Variants in MAP1A observed in about 807,000 individuals in gnomAD.
The protein encoded by MAP1A is microtubule-associated protein 1A.
Under a neutral mutation model 185.9 loss-of-function variants are expected in MAP1A, and 42 were observed. The ratio of observed to expected loss-of-function variants is 0.23; its 90% CI spans 0.18 to 0.29. MAP1A has a LOEUF of 0.29. MAP1A is among the 10% of genes least tolerant of loss of function. The pLI is 1.00. For synonymous variants in MAP1A, 1,229 were observed against 1,335.9 expected, an observed-to-expected ratio of 0.92 and a Z score of 1.74; for missense variants, 2,995 against 3,450.4, an observed-to-expected ratio of 0.87 and a Z score of 3.31.
In MAP1A at chr15:43,525,189, A is replaced by C. The variant is rs2079337433; in HGVS notation, c.3716A>C (p.His1239Pro). 2 of 1,614,040 alleles carry C rather than the reference A, an allele frequency of 1.2e-6. No homozygotes were observed. Among genetic ancestry groups the C allele is most frequent in the South Asian group, 2.2e-5 (2 of 91,090 alleles). The change falls in exon 4 of 6, where the codon CAT (histidine) becomes CCT (proline). Residue 1239 changes from histidine (H) to proline (P), a missense_variant. Around this residue, in one of 3 missense-constraint regions of MAP1A, gnomAD observed 2,728 missense variants for 2,986.0 expected, o/e 0.91. Transcript: ENST00000300231. ...AACCTTGGGAAGGAAGAAATGGGGC[A>C]TCTGATGCAGGCCGAGGATACCTCT... is the stretch of plus-strand genomic sequence containing the variant. ...ELNLGKEEMGHLMQAEDTSHH... is the reference protein window; with the variant it reads ...ELNLGKEEMGPLMQAEDTSHH...
chr15:43,526,875 C>G lies in MAP1A; in HGVS notation c.5402C>G (p.Ser1801Cys). The change falls in exon 4 of 6, where the codon TCC becomes TGC. Residue 1801 changes from serine (S) to cysteine (C), a missense_variant. By Grantham distance (112) the Ser-to-Cys change is moderately radical. Coordinates refer to ENST00000300231, the MANE Select transcript of MAP1A (RefSeq NM_002373.6). This position sits in a 1 kb window ranked among gnomAD's most constrained non-coding sequence, Gnocchi z 4.7. ...SPFEIISPPA[S>C]PPEMVGQRVP... is the part of the protein sequence containing the mutation. ...TTTGAGATCATCTCCCCTCCAGCTT[C>G]CCCACCTGAGATGGTTGGACAAAGG... 6.2e-7 allele frequency: 1 copy of G among 1,614,146 alleles called. No individual in the cohort carries two copies. Among genetic ancestry groups the G allele is most frequent in the Non-Finnish European group, 8.5e-7 (1 of 1,180,012 alleles).
chr15:43,525,063 T>C lies in MAP1A; in HGVS notation c.3590T>C (p.Leu1197Pro), dbSNP rs750299859. 1.9e-6 allele frequency: 3 copies of C among 1,614,058 alleles called. No individual in the cohort carries two copies. In the South Asian group the frequency reaches 3.3e-5, roughly 18 times the overall value. Residue 1197 changes from leucine to proline, a missense_variant, in exon 4 of 6, where the codon CTT becomes CCT. This residue lies in a region of MAP1A where 2,728 missense variants were observed against 2,986.0 expected (regional missense o/e 0.91). Transcript: ENST00000300231. The part of the protein sequence containing the change: ...PEVSPEDTQS[L>P]SLSEESPSKE... ...GTATCTCCAGAAGACACCCAGTCAC[T>C]TTCTCTGTCAGAAGAGAGTCCCAGC... is the stretch of plus-strand genomic sequence containing the variant.
In MAP1A at chr15:43,512,186, A is replaced by G. The variant is rs763648979; in HGVS notation, c.239-4A>G. On this transcript the variant is annotated splice_polypyrimidine_tract_variant and splice_region_variant and intron_variant, in intron 1 of 6. Transcript: ENST00000382031. Reference sequence around the variant, plus strand: ...CCAGAACCTTCTTTGTTTTTCTCCCACAGGGATTCTCTCCTGGAACATTGA... The same window carrying G: ...CCAGAACCTTCTTTGTTTTTCTCCCGCAGGGATTCTCTCCTGGAACATTGA... 3.9e-6 allele frequency: 6 copies of G among 1,525,720 alleles called. No individual in the cohort carries two copies. In the South Asian group the frequency reaches 6.0e-5, roughly 15 times the overall value. The allele number at this position is 1,525,720 out of a possible 1,614,324, so 94.5% of individuals were successfully genotyped here. A position where few individuals can be genotyped will look rare whatever the true frequency, so the allele number is the denominator to read the frequency against.
In MAP1A at chr15:43,526,537, T is replaced by C; in HGVS notation, c.5064T>C (p.Asp1688=). The part of the protein sequence containing the change: ...QDNRYWRGRE[D]VALEQDTYWR... ...ATAGGTATTGGAGGGGCAGAGAGGATGTGGCCTTGGAACAGGACACATACT... is the reference window on the plus strand; with the variant it reads ...ATAGGTATTGGAGGGGCAGAGAGGACGTGGCCTTGGAACAGGACACATACT... Residue 1688 remains aspartate (D), a synonymous_variant, in exon 4 of 6, where the codon GAT becomes GAC. Transcript: ENST00000300231. This position sits in a 1 kb window ranked among gnomAD's most constrained non-coding sequence, Gnocchi z 4.7. The C allele has an allele frequency of 6.2e-7, 1 of 1,614,122 alleles. No individual in the cohort carries two copies. The highest frequency in any genetic ancestry group is 8.5e-7 in the Non-Finnish European group (1 of 1,180,022).
intron 2 of MAP1A, 53 bp from the exon 3 acceptor site, chr15:43,520,919 T>A: frequency 1.3e-6 from 2 of 1,512,028 alleles, no homozygotes; most frequent in Non-Finnish European, 1.8e-6. Flanking sequence ...GGCCATTCAT[T>A]GCCTTTCCCT....
chr15:43,530,363 G>A lies in MAP1A; in HGVS notation c.*139G>A. 1.8e-6 allele frequency: 2 copies of A among 1,092,478 alleles called. No homozygotes were observed. The highest frequency in any genetic ancestry group is 3.1e-5 in the African/African-American group (2 of 63,492). The allele number at this position is 1,092,478 out of a possible 1,614,324, so 67.7% of individuals were successfully genotyped here. A position where few individuals can be genotyped will look rare whatever the true frequency, so the allele number is the denominator to read the frequency against. On this transcript the variant is annotated 3_prime_UTR_variant, in exon 6 of 6. Coordinates refer to ENST00000300231, the MANE Select transcript of MAP1A (RefSeq NM_002373.6). ...GTCTTGTTGTGGGGACTTGGGCTGG[G>A]CTAAATGGGAGGGGTTGTCCCTCCC...
chr15:43,514,588 G>C (rs2079291891), upstream of MAP1A, among the ~76,000 whole-genome samples: 1 of 152,214 alleles, frequency 6.6e-6, no homozygotes, highest in Non-Finnish European at 1.5e-5. Flanking sequence ...GTGACAAGGA[G>C]AGTGCACTTA....
rs780313364 is a variant in MAP1A at position 43,523,780 on chromosome 15, T to C, written c.2307T>C (p.His769=). 18 of 1,614,062 alleles carry C rather than the reference T, an allele frequency of 1.1e-5. No individual in the cohort carries two copies. The South Asian group carries it at 2.0e-4, about 18-fold the overall frequency. Residue 769 remains histidine, a synonymous_variant, in exon 4 of 6, where the codon CAT becomes CAC. Transcript: ENST00000300231. ...PEERPAPPRF[H]TSTYDLPGPE... ...AGCGCCCAGCTCCACCCAGATTTCA[T>C]ACAAGTACATATGACCTGCCCGGGC...
In MAP1A at chr15:43,529,761, G is replaced by A. The variant is rs762566307; in HGVS notation, c.8147G>A (p.Arg2716His). ...GACCTTGACTTCTTCCGTCGAGTGC[G>A]TGCATCCTACTATGTGGTCAGTGGG... Reference protein sequence around the residue: ...TADLDFFRRVRASYYVVSGND... With the variant: ...TADLDFFRRVHASYYVVSGND... The change falls in exon 5 of 6, where the codon CGT becomes CAT. Residue 2716 changes from arginine to histidine, a missense_variant. Coordinates refer to ENST00000300231, the MANE Select transcript of MAP1A (RefSeq NM_002373.6). This position sits in a 1 kb window ranked among gnomAD's most constrained non-coding sequence, Gnocchi z 4.3. 15 of 1,614,142 alleles carry A rather than the reference G, an allele frequency of 9.3e-6. No homozygotes were observed. The highest frequency in any genetic ancestry group is 4.5e-5 in the East Asian group (2 of 44,880).
Position 43,529,106 on chromosome 15 carries a change from G to A in MAP1A, c.7633G>A (p.Ala2545Thr). 6.2e-7 allele frequency: 1 copy of A among 1,613,744 alleles called. No individual in the cohort carries two copies. Among genetic ancestry groups the A allele is most frequent in the Non-Finnish European group, 8.5e-7 (1 of 1,179,968 alleles). Residue 2545 changes from alanine (A) to threonine (T), a missense_variant, in exon 4 of 6, where the codon GCT (alanine) becomes ACT (threonine). Ala to Thr is a moderately conservative substitution (Grantham distance 58). Coordinates refer to ENST00000300231, the MANE Select transcript of MAP1A (RefSeq NM_002373.6). The surrounding 1 kb of genome is among the most constrained non-coding windows in gnomAD (Gnocchi z 4.3). ...TGGAGACTTCCTACCTGTGGACAAA[G>A]CTGGGGGTGTCAGTGGTACTCACCA... ...EDGDFLPVDK[A>T]GGVSGTHHPR...
intron 1 of MAP1A, among the ~76,000 whole-genome samples, chr15:43,518,713 C>CG (rs917106761): frequency 7.3e-5 from 10 of 137,188 alleles, no homozygotes; most frequent in East Asian, 4.5e-4. Context: ...AGCCCACCCC[C>CG]CCCCGCAACT....
chr15:43,513,699 T>C (rs562817491), upstream of MAP1A, among the ~76,000 whole-genome samples: 57 of 152,362 alleles, frequency 3.7e-4, no homozygotes, highest in African/African-American at 1.3e-3. Context: ...ATCTTCCTGA[T>C]GTGACTGGCT....
chr15:43,512,266 A>G (rs2140199738), exon 2 of MAP1A: 1 of 1,546,964 alleles, frequency 6.5e-7, no homozygotes, highest in East Asian at 2.4e-5. Context: ...CCCGGCACCT[A>G]GCTCACTTCT....
chr15:43,529,869 A>G lies in MAP1A; in HGVS notation c.8255A>G (p.Gln2752Arg). 6.2e-7 allele frequency: 1 copy of G among 1,613,020 alleles called. No homozygotes were observed. Among genetic ancestry groups the G allele is most frequent in the Non-Finnish European group, 8.5e-7 (1 of 1,179,956 alleles). ...AAGGCCCAGTGGGGGGAGAATCTTC[A>G]GGTGAGTAGCAAAGGACACCAAGGA... Reference protein sequence around the residue: ...EGKAQWGENLQVTLIPTHDTE... With the variant: ...EGKAQWGENLRVTLIPTHDTE... Residue 2752 changes from glutamine (Q) to arginine (R), a missense_variant and splice_region_variant, in exon 5 of 6, where the codon CAG (glutamine) becomes CGG (arginine). Gln to Arg is a conservative substitution (Grantham distance 43). Around this residue, in one of 3 missense-constraint regions of MAP1A, gnomAD observed 2,728 missense variants for 2,986.0 expected, o/e 0.91. Coordinates refer to ENST00000300231, the MANE Select transcript of MAP1A (RefSeq NM_002373.6). This position sits in a 1 kb window ranked among gnomAD's most constrained non-coding sequence, Gnocchi z 4.3.
Position 43,528,084 on chromosome 15 carries a change from T to TGGCTCC in MAP1A, c.6612_6617dup (p.Ala2205_Pro2206dup), listed in dbSNP as rs771921938. 6.2e-6 allele frequency: 10 copies of TGGCTCC among 1,614,036 alleles called. 1 individual carries two copies. The South Asian group carries it at 9.9e-5, about 16-fold the overall frequency. ...TTCTCTGGGGATCGAGCTCTGGCTC[T>TGGCTCC]GGCTCCAGGACCCCCCACCAGAACC... is the stretch of plus-strand genomic sequence containing the variant. On this transcript the variant is annotated inframe_insertion, in exon 4 of 6. Coordinates refer to ENST00000300231, the MANE Select transcript of MAP1A (RefSeq NM_002373.6).
Position 43,522,494 on chromosome 15 carries a change from G to T in MAP1A, c.1021G>T (p.Val341Leu). Residue 341 changes from valine (V) to leucine (L), a missense_variant, in exon 4 of 6, where the codon GTA becomes TTA. Physicochemically the swap from Val to Leu is conservative, Grantham distance 32. Transcript: ENST00000300231. The surrounding 1 kb of genome is among the most constrained non-coding windows in gnomAD (Gnocchi z 5.9). ...CAAGTTGGCCAAACGGGAGGAGGTG[G>T]TAGAAGAGGGAGCCAAGGAGGCACG... The part of the protein sequence containing the change: ...VSKLAKREEV[V>L]EEGAKEARSE... 1.2e-6 allele frequency: 2 copies of T among 1,613,936 alleles called. No individual in the cohort carries two copies. Among genetic ancestry groups the T allele is most frequent in the Non-Finnish European group, 1.7e-6 (2 of 1,179,964 alleles).
chr15:43,511,944 G>T (rs1484686732), intron 1 of MAP1A, among the ~76,000 whole-genome samples: 1 of 152,206 alleles, frequency 6.6e-6, no homozygotes, highest in African/African-American at 2.4e-5. Context: ...ACTCATTAAT[G>T]ACCGAGTTTA....
chr15:43,528,527 G>C lies in MAP1A; in HGVS notation c.7054G>C (p.Val2352Leu), dbSNP rs200033549. The C allele has an allele frequency of 2.3e-5, 37 of 1,613,624 alleles. No individual in the cohort carries two copies. The African/African-American group carries it at 3.5e-4, about 15-fold the overall frequency. The change falls in exon 4 of 6, where the codon GTT (valine) becomes CTT (leucine). Residue 2352 changes from valine (V) to leucine (L), a missense_variant. Val to Leu is a conservative substitution (Grantham distance 32). Around this residue, in one of 3 missense-constraint regions of MAP1A, gnomAD observed 2,728 missense variants for 2,986.0 expected, o/e 0.91. Transcript: ENST00000300231. ...CACGGAGAAGCCAAGCCCCTTCCAG[G>C]TTCCCTCTGAGGATTGTGCAGCCAA... ...AATEKPSPFQ[V>L]PSEDCAANGP...
At position 43,531,335 on chromosome 15, in the gene MAP1A, T is replaced by A. The variant is rs980811341; in HGVS notation, c.*1111T>A. The A allele has an allele frequency of 3.9e-5, 6 of 152,654 alleles. No homozygotes were observed. Among genetic ancestry groups the A allele is most frequent in the African/African-American group, 1.2e-4 (5 of 41,420 alleles). The allele number at this position is 152,654 out of a possible 1,614,324, so 9.5% of individuals were successfully genotyped here. A position where few individuals can be genotyped will look rare whatever the true frequency, so the allele number is the denominator to read the frequency against. ...CCTACAGAGTGAAATGAAAACGGGC[T>A]GAAAATACCACCCCAGGAGAGGACC... is the stretch of plus-strand genomic sequence containing the variant. On this transcript the variant is annotated 3_prime_UTR_variant, in exon 6 of 6. Coordinates refer to ENST00000300231, the MANE Select transcript of MAP1A (RefSeq NM_002373.6).
Sources: gnomAD v4.1 joint callset for allele counts (sites outside exome capture counted in the v4.1 genomes callset) on GRCh38, gnomAD v4.1.1 for gene constraint, gnomAD v4.1.1 regional missense constraint, Gnocchi (gnomAD v3.1) non-coding constraint, MANE v1.5 for transcripts, NCBI Gene and HGNC (gene_info 2026-07-23, HGNC 2026-07-21) for gene names.